FNDC3A: variants seen among roughly 807,000 people sequenced by gnomAD.
FNDC3A encodes fibronectin type-III domain-containing protein 3A.
FNDC3A carries 32 observed loss-of-function variants against 148.9 expected under a neutral mutation model. The ratio of observed to expected loss-of-function variants is 0.21; its 90% confidence interval spans 0.16 to 0.29. The LOEUF is 0.29. FNDC3A is among the 10% of genes least tolerant of loss of function. FNDC3A has a pLI of 1.00. For synonymous variants in FNDC3A, 472 were observed against 473.6 expected (o/e 1.00, Z 0.04); for missense variants, 1,191 against 1,452.8 (o/e 0.82, Z 2.93).
In FNDC3A at chr13:49,186,080, A is replaced by C. The variant is rs369943139; in HGVS notation, c.1734A>C (p.Ser578=). The C allele has an allele frequency of 2.9e-5, 47 of 1,612,528 alleles. No individual in the cohort carries two copies. Among genetic ancestry groups the C allele is most frequent in the Non-Finnish European group, 3.6e-5 (42 of 1,178,932 alleles). ...CTTCAGTGAAAGGAAAGATACATTC[A>C]CACAGTTTTAAAATAACCTGGGGTA... ...VKPSVKGKIH[S]HSFKITWDPP... is the part of the protein sequence containing the mutation. Residue 578 remains serine, a synonymous_variant, in exon 15 of 26, where the codon TCA becomes TCC. Coordinates refer to ENST00000492622, the MANE Select transcript of FNDC3A (RefSeq NM_001079673.2).
chr13:49,168,805 CT>C, intron 10 of FNDC3A, 54 bp downstream of exon 10: 2 of 1,514,896 alleles, frequency 1.3e-6, no homozygotes, highest in East Asian at 2.3e-5. Flanking sequence ...TTTGTTTCCC[CT>C]GGTAGTATTA....
intron 2 of FNDC3A, among the ~76,000 whole-genome samples, chr13:49,067,554 C>T (rs551523237): frequency 3.0e-4 from 46 of 152,276 alleles, no homozygotes; most frequent in South Asian, 1.9e-3. Flanking sequence ...ATTATTGGAA[C>T]GCTAAGCTTG....
intron 2 of FNDC3A, among the ~76,000 whole-genome samples, chr13:49,050,635 T>C (rs1331385444): frequency 1.3e-5 from 2 of 152,224 alleles, no homozygotes; most frequent in African/African-American, 4.8e-5. Context: ...GGGTAGAATG[T>C]TCTGTAAATA....
intron 4 of FNDC3A, among the ~76,000 whole-genome samples, chr13:49,122,171 C>T (rs1340490259): frequency 6.6e-6 from 1 of 152,140 alleles, no homozygotes; most frequent in African/African-American, 2.4e-5. Context: ...TCTGCTTCAT[C>T]CCTGGGATGC....
Sources: allele counts gnomAD v4.1 joint callset (sites outside exome capture counted in the v4.1 genomes callset), GRCh38; gene constraint gnomAD v4.1.1; transcripts MANE v1.5; gene names NCBI Gene and HGNC (gene_info 2026-07-23, HGNC 2026-07-21).